GALNS: variants seen among roughly 807,000 people sequenced by gnomAD.
GALNS encodes galactosamine (N-acetyl)-6-sulfatase, also known as N-acetylgalactosamine-6-sulfatase.
A neutral mutation model predicts 65.9 loss-of-function variants in GALNS; 65 were observed. That is an observed-to-expected ratio of 0.99 (90% CI 0.81 to 1.21). The LOEUF (loss-of-function observed/expected upper bound fraction) is 1.21. GALNS is among the 50% of genes most tolerant of loss of function. The pLI, the probability that GALNS is intolerant of heterozygous loss-of-function variation, is 0.00. For missense variants in GALNS, 776 were observed against 700.7 expected, an observed-to-expected ratio of 1.11 and a Z score of -1.21; for synonymous variants, 346 against 288.9, an observed-to-expected ratio of 1.20 and a Z score of -2.00.
intron 1 of GALNS, among the ~76,000 whole-genome samples, chr16:88,849,821 G>A (rs1366440228): frequency 6.6e-6 from 1 of 152,244 alleles, no homozygotes; most frequent in Non-Finnish European, 1.5e-5. Context: ...CCCTGAAGCT[G>A]ATGAGGAAGA....
At position 88,814,381 on chromosome 16, in the gene GALNS, T is replaced by A; in HGVS notation, c.*58A>T. ...GGACCGAGGCCAGAGCCATCCTTCC[T>A]CCAGGCACTTGCAGGGCCAACCGGA... On this transcript the variant is annotated 3_prime_UTR_variant, in exon 14 of 14. Coordinates refer to ENST00000268695, the MANE Select transcript of GALNS (RefSeq NM_000512.5). The A allele has an allele frequency of 1.9e-6, 3 of 1,548,302 alleles. No homozygotes were observed. The highest frequency in any genetic ancestry group is 8.7e-7 in the Non-Finnish European group (1 of 1,146,154).
intron 1 of GALNS, chr16:88,843,980 G>C (rs114251720): frequency 6.6e-6 from 1 of 152,222 alleles, no homozygotes; most frequent in Admixed American, 6.6e-5. Flanking sequence ...AGTGGCTGCC[G>C]GGGCTGGGGG....
At chr16:88,832,850 C>T (rs1430306117) in intron 8 of GALNS, among the ~76,000 whole-genome samples, 4 of 152,064 alleles carry the variant, frequency 2.6e-5, no homozygotes, top group African/African-American at 7.2e-5. Flanking sequence ...TGCTTGAACT[C>T]GGGAGTTCAA....
At chr16:88,835,501 A>C in intron 7 of GALNS, 149 bp from the exon 8 acceptor site, 3 of 1,262,084 alleles carry the variant, frequency 2.4e-6, no homozygotes, top group Non-Finnish European at 3.4e-6. Context: ...CCAGAAGAGG[A>C]ATGGCCTCAG....
At chr16:88,816,997 G>A (rs1389943677) in intron 13 of GALNS, 1 of 985,344 alleles carries the variant, frequency 1.0e-6, no homozygotes, top group African/African-American at 1.7e-5. Context: ...GCACCCAGGA[G>A]CGACACCGCA....
intron 12 of GALNS, among the ~76,000 whole-genome samples, chr16:88,821,591 G>T (rs1263214705): frequency 1.3e-5 from 2 of 152,186 alleles, no homozygotes; most frequent in Non-Finnish European, 2.9e-5. Context: ...TGCAGCCCAG[G>T]AGCCTCACCG....
intron 8 of GALNS, among the ~76,000 whole-genome samples, chr16:88,834,857 C>T (rs1047634083): frequency 1.3e-5 from 2 of 152,112 alleles, no homozygotes; most frequent in African/African-American, 2.4e-5. Flanking sequence ...TCTGGGGTGC[C>T]GGCCCCCACC....
chr16:88,826,213 G>A (rs1910887091), intron 10 of GALNS, among the ~76,000 whole-genome samples: 1 of 132,830 alleles, frequency 7.5e-6, no homozygotes, highest in Non-Finnish European at 1.6e-5. Flanking sequence ...GGCGGCGTGT[G>A]CCCAGGTACA....
At chr16:88,855,662 A>C (rs1375371422) in intron 1 of GALNS, 3 of 599,440 alleles carry the variant, frequency 5.0e-6, no homozygotes, top group African/African-American at 3.7e-5. Flanking sequence ...AATTTAATAA[A>C]ATTGTTAAGT....
In GALNS at chr16:88,824,889, G is replaced by T; in HGVS notation, c.1140-20C>A. The T allele has an allele frequency of 6.2e-7, 1 of 1,602,234 alleles. No individual in the cohort carries two copies. The highest frequency in any genetic ancestry group is 1.7e-4 in the Middle Eastern group (1 of 6,018). ...ATAGGCCTGTGGGATGGGAGGGGAG[G>T]ACCATGTAATGACAGGAAGGACACG... is the stretch of plus-strand genomic sequence containing the variant. On this transcript the variant is annotated intron_variant, in intron 10 of 13. Transcript: ENST00000268695.
rs75914102 is a variant in GALNS, at chr16:88,835,436, C to T, written c.759-84G>A. The T allele has an allele frequency of 0.055, 85,339 of 1,550,346 alleles. 2,880 individuals are homozygous for T. The highest frequency in any genetic ancestry group is 0.11 in the Middle Eastern group (611 of 5,592). ...GCAGCCAACGGCATACTGTGATTCA[C>T]GGAGTTCATTAAATCATAACTTCAC... On this transcript the variant is annotated intron_variant, in intron 7 of 13. Coordinates refer to ENST00000268695, the MANE Select transcript of GALNS (RefSeq NM_000512.5).
At chr16:88,816,225 C>T in intron 13 of GALNS, 10 of 985,468 alleles carry the variant, frequency 1.0e-5, no homozygotes, top group Non-Finnish European at 1.2e-5. Context: ...CCCACCTCCC[C>T]TGCCCTGTGC....
intron 9 of GALNS, among the ~76,000 whole-genome samples, chr16:88,831,283 GAGC>G (rs1911482287): frequency 4.0e-5 from 4 of 99,926 alleles, no homozygotes; most frequent in African/African-American, 1.8e-4. Flanking sequence ...GTGGGGAGGA[GAGC>G]GGTGAGGCCG....
chr16:88,854,727 C>A (rs1313448760), intron 1 of GALNS, among the ~76,000 whole-genome samples: 1 of 152,240 alleles, frequency 6.6e-6, no homozygotes, highest in Non-Finnish European at 1.5e-5. Context: ...AGTTCAGAGG[C>A]AGCAGAGCCA....
chr16:88,835,355 G>A lies in GALNS; in HGVS notation c.759-3C>T. On this transcript the variant is annotated splice_region_variant and splice_polypyrimidine_tract_variant and intron_variant, in intron 7 of 13. Coordinates refer to ENST00000268695, the MANE Select transcript of GALNS (RefSeq NM_000512.5). ...TCTCCCGGACGGCGTCTCCATACCT[G>A]CAGGATGGTGACAAAAGGCATCTCC... 6.2e-7 allele frequency: 1 copy of A among 1,613,524 alleles called. No homozygotes were observed. The highest frequency in any genetic ancestry group is 8.5e-7 in the Non-Finnish European group (1 of 1,179,796).
At chr16:88,833,022 G>C (rs1911671029) in intron 8 of GALNS, among the ~76,000 whole-genome samples, 1 of 146,682 alleles carries the variant, frequency 6.8e-6, no homozygotes, top group South Asian at 2.2e-4. Flanking sequence ...AGGCTACAGT[G>C]AGCTGAGATC....
chr16:88,835,807 A>AG lies in GALNS; in HGVS notation c.675dup (p.Phe226LeufsTer37). 8 of 1,614,016 alleles carry AG rather than the reference A, an allele frequency of 5.0e-6. No individual in the cohort carries two copies. The highest frequency in any genetic ancestry group is 6.8e-6 in the Non-Finnish European group (8 of 1,179,942). On this transcript the variant is annotated frameshift_variant, in exon 7 of 14. Coordinates refer to ENST00000268695, the MANE Select transcript of GALNS (RefSeq NM_000512.5). LOFTEE classifies it high-confidence loss of function. ...GCGTCGACAGCCCAGTAGAGGAAAA[A>AG]GGGGTGGTGCCGTGCCTGTCTCTTA...
intron 8 of GALNS, among the ~76,000 whole-genome samples, chr16:88,833,812 G>A (rs1338074966): frequency 6.6e-6 from 1 of 152,202 alleles, no homozygotes; most frequent in Non-Finnish European, 1.5e-5. Flanking sequence ...TGCTGGGTGT[G>A]TGGGTTCTCA....
chr16:88,820,273 CACCG>C (rs1279975513), intron 12 of GALNS, among the ~76,000 whole-genome samples: 2 of 152,118 alleles, frequency 1.3e-5, no homozygotes, highest in Admixed American at 1.3e-4. Context: ...GGATTACAGG[CACCG>C]ACCAACACAT....
Sources: gnomAD v4.1 joint callset for allele counts (sites outside exome capture counted in the v4.1 genomes callset) on GRCh38, gnomAD v4.1.1 for gene constraint, MANE v1.5 for transcripts, NCBI Gene and HGNC (gene_info 2026-07-23, HGNC 2026-07-21) for gene names.